The following IGFL3 variants were observed in gnomAD, a reference collection of about 807,000 sequenced individuals.
IGFL3 encodes the protein insulin growth factor-like family member 3.
In IGFL3, 12 loss-of-function variants were observed where a neutral mutation model predicts 17.0. That is an observed-to-expected ratio of 0.71 (90% CI 0.45 to 1.14). The LOEUF (loss-of-function observed/expected upper bound fraction) is 1.14, where lower values mean the gene tolerates loss of function less well. Ranked by LOEUF, IGFL3 falls within the 50% of genes most tolerant of loss-of-function variation. The pLI is 0.00. For synonymous variants in IGFL3, 52 were observed against 57.4 expected, an observed-to-expected ratio of 0.91 and a Z score of 0.42; for missense variants, 153 against 151.6, an observed-to-expected ratio of 1.01 and a Z score of -0.05.
chr19:46,124,463 C>T, intron 1 of IGFL3, 142 bp from the exon 2 acceptor site: 1 of 1,148,358 alleles, frequency 8.7e-7, no homozygotes, highest in Middle Eastern at 2.0e-4. Context: ...GGATCCCGTT[C>T]AGGCAGGCCC....
chr19:46,124,636 C>T lies in IGFL3; in HGVS notation c.14G>A (p.Cys5Tyr). 6.2e-7 allele frequency: 1 copy of T among 1,609,382 alleles called. No individual in the cohort carries two copies. The highest frequency in any genetic ancestry group is 8.5e-7 in the Non-Finnish European group (1 of 1,178,008). Reference sequence around the variant, plus strand: ...GGGGTCCTACTTGCCCAAGATGCAGCATCGTGGCCTCATGCTTCCAAAGAT... The same window carrying T: ...GGGGTCCTACTTGCCCAAGATGCAGTATCGTGGCCTCATGCTTCCAAAGAT... The part of the protein sequence containing the change: MRPR[C>Y]CILALVCWIT... The change falls in exon 1 of 4, where the codon TGC becomes TAC. Residue 5 changes from cysteine to tyrosine, a missense_variant. Coordinates refer to ENST00000341415, the MANE Select transcript of IGFL3 (RefSeq NM_207393.2).
At chr19:46,124,225 A>C in intron 2 of IGFL3, 43 bp downstream of exon 2, 1 of 1,608,866 alleles carries the variant, frequency 6.2e-7, no homozygotes, top group Non-Finnish European at 8.5e-7. Flanking sequence ...TCTTTTCCCA[A>C]CACCACCTCT....
chr19:46,120,475 T>C, intron 3 of IGFL3, 118 bp from the exon 4 acceptor site: 1 of 1,414,236 alleles, frequency 7.1e-7, no homozygotes, highest in Non-Finnish European at 9.6e-7. Context: ...CTACACCAGA[T>C]GTGTAGATAT....
Position 46,124,117 on chromosome 19 carries a change from G to A in IGFL3, c.119C>T (p.Thr40Ile). ...GTAGATCTTGTTCCCACACCTGGGT[G>A]TCGGCTGGCACAGCCACAGTCCTGA... ...VGSGLWLCQP[T>I]PRCGNKIYNP... The change falls in exon 3 of 4, where the codon ACA becomes ATA. Residue 40 changes from threonine to isoleucine, a missense_variant. Thr to Ile is a moderately conservative substitution (Grantham distance 89, BLOSUM62 -1). Transcript: ENST00000341415. 1 of 1,610,998 alleles carries A rather than the reference G, an allele frequency of 6.2e-7. No individual in the cohort carries two copies. Among genetic ancestry groups the A allele is most frequent in the Non-Finnish European group, 8.5e-7 (1 of 1,179,364 alleles).
intron 3 of IGFL3, among the ~76,000 whole-genome samples, 158 bp downstream of exon 3, chr19:46,123,728 C>G (rs1555735234): frequency 8.0e-5 from 12 of 150,822 alleles, no homozygotes; most frequent in Non-Finnish European, 1.8e-4. Flanking sequence ...GAAAGGCAGA[C>G]TTATAGCTTA....
In IGFL3 at chr19:46,124,269, T is replaced by C; in HGVS notation, c.78A>G (p.Thr26=). ...VFLLQCSKGT[T]DAPVGSGLWL... ...CATTTTTCCCTGTCCTGTCCTTACC[T>C]GTAGTTCCTTTTGAACACTGGAGGA... Residue 26 remains threonine (T), a splice_region_variant and synonymous_variant, in exon 2 of 4, where the codon ACA becomes ACG. Transcript: ENST00000341415. The C allele has an allele frequency of 6.2e-7, 1 of 1,610,728 alleles. No homozygotes were observed. Among genetic ancestry groups the C allele is most frequent in the Non-Finnish European group, 8.5e-7 (1 of 1,178,998 alleles).
intron 3 of IGFL3, among the ~76,000 whole-genome samples, chr19:46,120,841 A>G (rs1328888110): frequency 6.6e-6 from 1 of 150,956 alleles, no homozygotes; most frequent in Non-Finnish European, 1.5e-5. Context: ...AATGAGAAAT[A>G]TTGAAGGTAA....
At position 46,123,732 on chromosome 19, in the gene IGFL3, T is replaced by C. The variant is rs118058359; in HGVS notation, c.350+154A>G. Among the ~76,000 whole-genome samples the C allele has an allele frequency of 4.6e-5, 7 of 150,914 alleles. 1 individual carries two copies. Among genetic ancestry groups the C allele is most frequent in the Non-Finnish European group, 1.0e-4 (7 of 67,974 alleles). ...TCGACCATGAAGAAAGGCAGACTTA[T>C]AGCTTATCTGCTTCTTCTTTTTGCT... On this transcript the variant is annotated intron_variant, in intron 3 of 3. Transcript: ENST00000341415.
Position 46,124,110 on chromosome 19 carries a change from C to A in IGFL3, c.126G>T (p.Arg42Ser), listed in dbSNP as rs1392981660. The A allele has an allele frequency of 1.2e-6, 2 of 1,611,332 alleles. No individual in the cohort carries two copies. Among genetic ancestry groups the A allele is most frequent in the Non-Finnish European group, 1.7e-6 (2 of 1,179,486 alleles). The change falls in exon 3 of 4, where the codon AGG becomes AGT. Residue 42 changes from arginine (R) to serine (S), a missense_variant. By Grantham distance (110) the Arg-to-Ser change is moderately radical. Coordinates refer to ENST00000341415, the MANE Select transcript of IGFL3 (RefSeq NM_207393.2). ...SGLWLCQPTP[R>S]CGNKIYNPSE... is the part of the protein sequence containing the mutation. ...AAGGGTTGTAGATCTTGTTCCCACA[C>A]CTGGGTGTCGGCTGGCACAGCCACA...
Position 46,120,234 on chromosome 19 carries a change from A to T in IGFL3, c.*96T>A. ...TCATTGAGCCATCCCTCTGAAGTCA[A>T]GTTGCTTCTCTCCGAAGTTCAACTG... On this transcript the variant is annotated 3_prime_UTR_variant, in exon 4 of 4. Transcript: ENST00000341415. The T allele has an allele frequency of 6.4e-7, 1 of 1,565,772 alleles. No individual in the cohort carries two copies.
At position 46,124,176 on chromosome 19, in the gene IGFL3, G is replaced by A; in HGVS notation, c.80-20C>T. The A allele has an allele frequency of 6.2e-7, 1 of 1,610,284 alleles. No individual in the cohort carries two copies. Among genetic ancestry groups the A allele is most frequent in the African/African-American group, 1.4e-5 (1 of 73,846 alleles). ...GAGCGTCTGGGGGCAGACATTGATG[G>A]TGTACATCCAAGGAAGAACAGATAC... On this transcript the variant is annotated intron_variant, in intron 2 of 3. Coordinates refer to ENST00000341415, the MANE Select transcript of IGFL3 (RefSeq NM_207393.2).
chr19:46,124,601 G>T, intron 1 of IGFL3, 24 bp downstream of exon 1: 1 of 1,594,148 alleles, frequency 6.3e-7, no homozygotes, highest in Non-Finnish European at 8.6e-7. Flanking sequence ...ATGAGATGAT[G>T]TTTGGATTTG....
At chr19:46,122,562 T>C (rs1971834994) in intron 3 of IGFL3, among the ~76,000 whole-genome samples, 1 of 151,070 alleles carries the variant, frequency 6.6e-6, no homozygotes, top group South Asian at 2.1e-4. Flanking sequence ...ATGACAGATT[T>C]TTTTGGTAAA....
chr19:46,122,496 T>A (rs1407083156), intron 3 of IGFL3, among the ~76,000 whole-genome samples: 1 of 150,988 alleles, frequency 6.6e-6, no homozygotes, highest in African/African-American at 2.5e-5. Flanking sequence ...CTAAAAACAT[T>A]CCTTTTTGTT....
At position 46,122,748 on chromosome 19, in the gene IGFL3, G is replaced by A. The variant is rs558295384; in HGVS notation, c.350+1138C>T. ...GGTTTACATACATTTTACATTACAC[G>A]TATTACCTCTTAAAACCCCCAACAG... is the stretch of plus-strand genomic sequence containing the variant. On this transcript the variant is annotated intron_variant, in intron 3 of 3. Transcript: ENST00000341415. Among the ~76,000 whole-genome samples the A allele has an allele frequency of 2.0e-4, 30 of 150,932 alleles. 1 individual carries two copies. The South Asian group carries it at 5.4e-3, about 27-fold the overall frequency.
chr19:46,124,286 A>G lies in IGFL3; in HGVS notation c.61T>C (p.Cys21Arg), dbSNP rs773626524. 21 of 1,610,976 alleles carry G rather than the reference A, an allele frequency of 1.3e-5. No homozygotes were observed. Among genetic ancestry groups the G allele is most frequent in the Non-Finnish European group, 1.8e-5 (21 of 1,179,214 alleles). Reference protein sequence around the residue: ...VCWITVFLLQCSKGTTDAPVG... With the variant: ...VCWITVFLLQRSKGTTDAPVG... ...TCCTTACCTGTAGTTCCTTTTGAAC[A>G]CTGGAGGAGGAAGACTGTTATCCAG... Residue 21 changes from cysteine to arginine, a missense_variant, in exon 2 of 4, where the codon TGT becomes CGT. By Grantham distance (180) the Cys-to-Arg change is radical. Transcript: ENST00000341415.
At chr19:46,124,230 A>G in intron 2 of IGFL3, 38 bp downstream of exon 2, 1 of 1,608,162 alleles carries the variant, frequency 6.2e-7, no homozygotes, top group African/African-American at 1.4e-5. Context: ...TCCCAACACC[A>G]CCTCTTCCCT....
Position 46,124,103 on chromosome 19 carries a change from T to C in IGFL3, c.133A>G (p.Asn45Asp). 2 of 1,611,424 alleles carry C rather than the reference T, an allele frequency of 1.2e-6. No homozygotes were observed. The highest frequency in any genetic ancestry group is 8.5e-7 in the Non-Finnish European group (1 of 1,179,572). Reference protein sequence around the residue: ...WLCQPTPRCGNKIYNPSEQCC... With the variant: ...WLCQPTPRCGDKIYNPSEQCC... ...TGCTCTGAAGGGTTGTAGATCTTGT[T>C]CCCACACCTGGGTGTCGGCTGGCAC... Residue 45 changes from asparagine (N) to aspartate (D), a missense_variant, in exon 3 of 4, where the codon AAC becomes GAC. Physicochemically the swap from Asn to Asp is conservative, Grantham distance 23 (BLOSUM62 1). Transcript: ENST00000341415.
chr19:46,121,781 G>T (rs930011225), intron 3 of IGFL3, among the ~76,000 whole-genome samples: 2 of 150,978 alleles, frequency 1.3e-5, no homozygotes, highest in African/African-American at 4.9e-5. Context: ...AGGCAAAACA[G>T]CAAGTGCGGA....
Sources: allele counts gnomAD v4.1 joint callset (sites outside exome capture counted in the v4.1 genomes callset), GRCh38; gene constraint gnomAD v4.1.1; transcripts MANE v1.5; gene names NCBI Gene and HGNC (gene_info 2026-07-23, HGNC 2026-07-21).